Variants in CEP128 observed in about 807,000 individuals in gnomAD.
The protein encoded by CEP128 is centrosomal protein 128.
A neutral mutation model predicts 156.7 loss-of-function variants in CEP128; 132 were observed. The observed-to-expected ratio is 0.84, with a 90% CI of 0.73 to 0.97. The LOEUF is 0.97. Ranked by LOEUF, CEP128 falls within the 50% of genes least tolerant of loss-of-function variation. The probability of loss-of-function intolerance (pLI) is 0.00; values close to 1 mark genes in which losing one functional copy is unlikely to be tolerated. For synonymous variants in CEP128, 469 were observed against 448.9 expected (o/e 1.04, Z -0.57); for missense variants, 1,252 against 1,281.9 (o/e 0.98, Z 0.36).
chr14:80,740,263 C>T (rs914964800), intron 19 of CEP128, among the ~76,000 whole-genome samples: 11 of 151,990 alleles, frequency 7.2e-5, no homozygotes, highest in Non-Finnish European at 1.6e-4. Context: ...TTCAGCAAAA[C>T]ATTAAAAAAT....
At chr14:80,580,307 TA>T (rs954185101) in intron 20 of CEP128, 66 bp downstream of exon 20, 2 of 994,778 alleles carry the variant, frequency 2.0e-6, no homozygotes, top group African/African-American at 3.2e-5. Flanking sequence ...GTGACAATAA[TA>T]AAGGATAAAA....
At chr14:80,822,722 A>C in intron 13 of CEP128, 1 of 853,188 alleles carries the variant, frequency 1.2e-6, no homozygotes, top group South Asian at 1.3e-5. Flanking sequence ...CAAGGAGGGG[A>C]ATAGCCCTGT....
At chr14:80,502,089 T>TA (rs901028265) in intron 24 of CEP128, among the ~76,000 whole-genome samples, 8 of 152,182 alleles carry the variant, frequency 5.3e-5, no homozygotes, top group Non-Finnish European at 1.2e-4. Flanking sequence ...GCTGCTGCTC[T>TA]GGGCACACTG....
chr14:80,496,720 T>A lies in CEP128; in HGVS notation c.*759A>T, dbSNP rs1555367638. ...AAATCTCATGGACAAAGGAGTTTGG[T>A]GCTATGATTTTAGTCACAGTAAACC... is the stretch of plus-strand genomic sequence containing the variant. On this transcript the variant is annotated 3_prime_UTR_variant, in exon 25 of 25. Coordinates refer to ENST00000555265, the MANE Select transcript of CEP128 (RefSeq NM_152446.5). 1 of 152,138 alleles carries A rather than the reference T, an allele frequency of 6.6e-6. No individual in the cohort carries two copies. Among genetic ancestry groups the A allele is most frequent in the Non-Finnish European group, 1.5e-5 (1 of 68,008 alleles). 9.4% of individuals were successfully genotyped at this position (152,138 alleles called of 1,614,324 possible).
intron 8 of CEP128, among the ~76,000 whole-genome samples, chr14:80,890,256 C>T (rs1324533274): frequency 1.3e-5 from 2 of 152,140 alleles, no homozygotes; most frequent in African/African-American, 2.4e-5. Flanking sequence ...TAACATTTGA[C>T]CCAGCAACCC....
intron 19 of CEP128, among the ~76,000 whole-genome samples, chr14:80,693,933 T>C (rs1896801089): frequency 6.6e-6 from 1 of 152,210 alleles, no homozygotes; most frequent in South Asian, 2.1e-4. Context: ...TCTTGGATGT[T>C]AATCCTTCAA....
chr14:80,704,382 T>C (rs1053219199), intron 19 of CEP128, among the ~76,000 whole-genome samples: 4 of 152,034 alleles, frequency 2.6e-5, no homozygotes, highest in Admixed American at 6.6e-5. Context: ...GATTTAGTTA[T>C]TTTTTTAAAA....
chr14:80,714,353 A>T (rs536787391), intron 19 of CEP128, among the ~76,000 whole-genome samples: 1 of 152,080 alleles, frequency 6.6e-6, no homozygotes, highest in Non-Finnish European at 1.5e-5. Context: ...TACTTTTCTC[A>T]TTTAGGGTAT....
intron 19 of CEP128, among the ~76,000 whole-genome samples, chr14:80,680,837 T>C (rs72690946): frequency 0.15 from 23,103 of 152,132 alleles, 2,024 homozygotes; most frequent in East Asian, 0.26. Context: ...GTGTTTACCA[T>C]TGGGGGACCT....
At chr14:80,916,767 G>T (rs1884587644) in intron 2 of CEP128, among the ~76,000 whole-genome samples, 1 of 152,046 alleles carries the variant, frequency 6.6e-6, no homozygotes, top group Non-Finnish European at 1.5e-5. Context: ...TGCTTTAAGG[G>T]AGCGATTCCT....
intron 20 of CEP128, among the ~76,000 whole-genome samples, chr14:80,568,814 A>C (rs1891024033): frequency 6.6e-6 from 1 of 152,172 alleles, no homozygotes; most frequent in South Asian, 2.1e-4. Flanking sequence ...GGAAAAAAAA[A>C]CCAACAACTA....
intron 19 of CEP128, among the ~76,000 whole-genome samples, chr14:80,734,108 C>T (rs1898409632): frequency 6.6e-6 from 1 of 152,116 alleles, no homozygotes; most frequent in Non-Finnish European, 1.5e-5. Context: ...CTAAGGAAAC[C>T]CTGACTTCAA....
At chr14:80,629,943 C>T (rs1290228207) in intron 19 of CEP128, among the ~76,000 whole-genome samples, 1 of 151,862 alleles carries the variant, frequency 6.6e-6, no homozygotes, top group Admixed American at 6.6e-5. Context: ...GTTTGCTATC[C>T]ACTGATCCAA....
At chr14:80,601,652 G>A (rs1426495909) in intron 19 of CEP128, among the ~76,000 whole-genome samples, 1 of 152,034 alleles carries the variant, frequency 6.6e-6, no homozygotes, top group Non-Finnish European at 1.5e-5. Context: ...GCACGTTACT[G>A]TACAGCATGT....
intron 21 of CEP128, among the ~76,000 whole-genome samples, chr14:80,550,106 G>T (rs1890150687): frequency 6.6e-6 from 1 of 152,062 alleles, no homozygotes; most frequent in Non-Finnish European, 1.5e-5. Context: ...CCAGTGTTTT[G>T]TAATATTTCT....
At chr14:80,745,913 A>G (rs988558593) in intron 18 of CEP128, among the ~76,000 whole-genome samples, 1 of 152,008 alleles carries the variant, frequency 6.6e-6, no homozygotes, top group African/African-American at 2.4e-5. Flanking sequence ...ATTATAATAC[A>G]TAAAATCAAT....
intron 20 of CEP128, among the ~76,000 whole-genome samples, chr14:80,561,288 C>A (rs146358130): frequency 1.2e-3 from 186 of 152,282 alleles, no homozygotes; most frequent in African/African-American, 4.4e-3. Context: ...GTTAAGAGGG[C>A]CTCACCCTTA....
chr14:80,885,056 G>A (rs1259041200), intron 8 of CEP128, among the ~76,000 whole-genome samples: 1 of 152,122 alleles, frequency 6.6e-6, no homozygotes, highest in Non-Finnish European at 1.5e-5. Context: ...AAAGTACCTG[G>A]GGCCAGACTG....
intron 2 of CEP128, among the ~76,000 whole-genome samples, chr14:80,931,485 A>G (rs1885464579): frequency 1.3e-5 from 2 of 152,212 alleles, no homozygotes; most frequent in African/African-American, 4.8e-5. Context: ...GAGCACACAC[A>G]TCATCTCTTA....
Sources: gnomAD v4.1 joint callset for allele counts (sites outside exome capture counted in the v4.1 genomes callset) on GRCh38, gnomAD v4.1.1 for gene constraint, MANE v1.5 for transcripts, NCBI Gene and HGNC (gene_info 2026-07-23, HGNC 2026-07-21) for gene names.